Variants in ALK observed in about 807,000 individuals in gnomAD.
The protein encoded by ALK is ALK receptor tyrosine kinase.
A neutral mutation model predicts 163.1 loss-of-function variants in ALK; 74 were observed. The observed-to-expected ratio is 0.45, with a 90% CI of 0.38 to 0.55. The LOEUF (loss-of-function observed/expected upper bound fraction) is 0.55, where lower values mean the gene tolerates loss of function less well. Among genes scored for constraint, ALK ranks in the 20% least tolerant of loss-of-function variants. The pLI, the probability that ALK is intolerant of heterozygous loss-of-function variation, is 0.00. For synonymous variants in ALK, 960 were observed against 843.2 expected, an observed-to-expected ratio of 1.14 and a Z score of -2.40; for missense variants, 2,063 against 2,105.3, an observed-to-expected ratio of 0.98 and a Z score of 0.39.
At chr2:29,199,418 T>G (rs1669104346) in intron 26 of ALK, among the ~76,000 whole-genome samples, 1 of 152,234 alleles carries the variant, frequency 6.6e-6, no homozygotes, top group South Asian at 2.1e-4. Flanking sequence ...CTAGTTGTGT[T>G]TGTTTTTGCT....
intron 1 of ALK, among the ~76,000 whole-genome samples, chr2:29,870,605 ATTAT>A (rs149915581): frequency 0.44 from 66,380 of 151,654 alleles, 15,299 homozygotes; most frequent in Non-Finnish European, 0.5. Flanking sequence ...TTTAGAAAAT[ATTAT>A]TTATTTATTA....
At chr2:29,292,675 T>A (rs148210718) in intron 9 of ALK, among the ~76,000 whole-genome samples, 121 of 152,366 alleles carry the variant, frequency 7.9e-4, no homozygotes, top group African/African-American at 2.8e-3. Flanking sequence ...TCAGAGGACA[T>A]TGCCACTGCT....
intron 3 of ALK, among the ~76,000 whole-genome samples, chr2:29,644,512 T>A (rs1340528422): frequency 6.6e-6 from 1 of 152,170 alleles, no homozygotes; most frequent in Non-Finnish European, 1.5e-5. Flanking sequence ...ATTACAGTCA[T>A]GTCTGTGTGT....
chr2:29,667,058 T>C (rs766333480), intron 3 of ALK, among the ~76,000 whole-genome samples: 1 of 152,160 alleles, frequency 6.6e-6, no homozygotes, highest in South Asian at 2.1e-4. Context: ...CCATTGTGTA[T>C]AAGTAACACA....
chr2:29,683,389 A>G lies in ALK; in HGVS notation c.952+11461T>C, dbSNP rs190553435. On this transcript the variant is annotated intron_variant, in intron 3 of 28. Coordinates refer to ENST00000389048, the MANE Select transcript of ALK (RefSeq NM_004304.5). ...AAGACTCTGTCTCAAGAAAGAAAGA[A>G]AAACAAAAAACAAAAACAAAAACAA... Among the ~76,000 whole-genome samples, 5 of 152,260 alleles carry G rather than the reference A, an allele frequency of 3.3e-5. 1 individual carries two copies. Among genetic ancestry groups the G allele is most frequent in the Admixed American group, 2.0e-4 (3 of 15,292 alleles).
intron 1 of ALK, among the ~76,000 whole-genome samples, chr2:29,742,654 C>T (rs1158145533): frequency 6.6e-6 from 1 of 152,206 alleles, no homozygotes; most frequent in African/African-American, 2.4e-5. Flanking sequence ...AGCTCAGGGC[C>T]AGGGAACCCC....
intron 4 of ALK, among the ~76,000 whole-genome samples, chr2:29,468,380 G>A (rs1297457642): frequency 6.6e-6 from 1 of 152,198 alleles, no homozygotes; most frequent in Non-Finnish European, 1.5e-5. Flanking sequence ...GAGAACTGCT[G>A]ACCTAGACCA....
chr2:29,762,762 T>G (rs900872671), intron 1 of ALK, among the ~76,000 whole-genome samples: 2 of 152,178 alleles, frequency 1.3e-5, no homozygotes, highest in African/African-American at 4.8e-5. Flanking sequence ...AGTCCCTTTC[T>G]AGTTCCAAGC....
At chr2:29,225,117 C>T (rs950467667) in intron 19 of ALK, among the ~76,000 whole-genome samples, 6 of 152,076 alleles carry the variant, frequency 3.9e-5, no homozygotes, top group Non-Finnish European at 8.8e-5. Flanking sequence ...GGAGCTGCGC[C>T]GGTGGAAGCA....
intron 13 of ALK, among the ~76,000 whole-genome samples, chr2:29,234,621 C>T (rs1163559395): frequency 1.3e-5 from 2 of 152,080 alleles, no homozygotes; most frequent in Non-Finnish European, 2.9e-5. Context: ...GTGACAGGGG[C>T]CCTCGATCTC....
At chr2:29,647,223 G>T (rs1408689900) in intron 3 of ALK, among the ~76,000 whole-genome samples, 2 of 152,154 alleles carry the variant, frequency 1.3e-5, no homozygotes, top group Admixed American at 1.3e-4. Flanking sequence ...ATTGTGGCAT[G>T]TAAGGCTTGT....
Position 29,251,259 on chromosome 2 carries a change from G to C in ALK, c.2050C>G (p.Leu684Val), listed in dbSNP as rs1664810025. The change falls in exon 12 of 29, where the codon CTG becomes GTG. Residue 684 changes from leucine (L) to valine (V), a missense_variant. Leu to Val is a conservative substitution (Grantham distance 32). Coordinates refer to ENST00000389048, the MANE Select transcript of ALK (RefSeq NM_004304.5). ...CCGCTGGCCCCACATGTGGTGAACA[G>C]CCAATGAACTGTGGCACAAGAGGAG... ...TPIFDPTVHW[L>V]FTTCGASGPH... 6.2e-7 allele frequency: 1 copy of C among 1,613,434 alleles called. No homozygotes were observed. The highest frequency in any genetic ancestry group is 8.5e-7 in the Non-Finnish European group (1 of 1,179,858).
chr2:29,746,571 T>C (rs1196096242), intron 1 of ALK, among the ~76,000 whole-genome samples: 2 of 152,256 alleles, frequency 1.3e-5, no homozygotes, highest in Non-Finnish European at 2.9e-5. Context: ...GGGTTTAATG[T>C]AGCACGTGGC....
intron 1 of ALK, among the ~76,000 whole-genome samples, chr2:29,755,569 G>C (rs563292570): frequency 1.3e-5 from 2 of 152,242 alleles, no homozygotes; most frequent in Admixed American, 6.5e-5. Flanking sequence ...AGAAGGCTGG[G>C]TTTGAAGAGG....
chr2:29,920,879 C>A lies in ALK; in HGVS notation c.-220G>T. ...AGACCTGGAAGCTCAGGGGCGAGTC[C>A]AGAGACACTCAAGCACACTGGGCTC... On this transcript the variant is annotated 5_prime_UTR_variant, in exon 1 of 29. Transcript: ENST00000389048. 1 of 584,636 alleles carries A rather than the reference C, an allele frequency of 1.7e-6. No homozygotes were observed. 36.2% of individuals were successfully genotyped at this position (584,636 alleles called of 1,614,324 possible).
intron 5 of ALK, among the ~76,000 whole-genome samples, chr2:29,360,970 C>T (rs191375719): frequency 1.9e-4 from 29 of 151,702 alleles, no homozygotes; most frequent in African/African-American, 7.1e-4. Context: ...TGCTAGGGCT[C>T]AGCTAGATGC....
At chr2:29,321,073 G>A (rs571283295) in intron 6 of ALK, among the ~76,000 whole-genome samples, 191 bp from the exon 7 acceptor site, 13 of 152,318 alleles carry the variant, frequency 8.5e-5, no homozygotes, top group African/African-American at 2.9e-4. Flanking sequence ...TGATGCCCGT[G>A]CTGGTTTACA....
chr2:29,447,917 C>T (rs909758966), intron 4 of ALK, among the ~76,000 whole-genome samples: 4 of 152,110 alleles, frequency 2.6e-5, no homozygotes, highest in Non-Finnish European at 5.9e-5. Context: ...GGGATGTTGC[C>T]TTTGTTGCAG....
intron 3 of ALK, among the ~76,000 whole-genome samples, chr2:29,563,340 G>A (rs1674080923): frequency 1.3e-5 from 2 of 152,210 alleles, no homozygotes; most frequent in African/African-American, 4.8e-5. Context: ...GGGGTGGAGA[G>A]TCTATATAGG....
Sources: gnomAD v4.1 joint callset for allele counts (sites outside exome capture counted in the v4.1 genomes callset) on GRCh38, gnomAD v4.1.1 for gene constraint, MANE v1.5 for transcripts, NCBI Gene and HGNC (gene_info 2026-07-23, HGNC 2026-07-21) for gene names.